Variants in SLCO1B3 observed in about 807,000 individuals in gnomAD.
The protein encoded by SLCO1B3 is liver-specific organic anion transporter 2.
Under a neutral mutation model 71.8 loss-of-function variants are expected in SLCO1B3, and 72 were observed. That is an observed-to-expected ratio of 1.00 (90% CI 0.83 to 1.22). The LOEUF is 1.22. Among genes scored for constraint, SLCO1B3 ranks in the 50% most tolerant of loss-of-function variants. The probability of loss-of-function intolerance (pLI) is 0.00; values close to 1 mark genes in which losing one functional copy is unlikely to be tolerated. For synonymous variants in SLCO1B3, 298 were observed against 278.4 expected, an observed-to-expected ratio of 1.07 and a Z score of -0.70; for missense variants, 911 against 819.7, an observed-to-expected ratio of 1.11 and a Z score of -1.36.
At chr12:20,867,348 T>C (rs377434946) in intron 8 of SLCO1B3, among the ~76,000 whole-genome samples, 1 of 152,008 alleles carries the variant, frequency 6.6e-6, no homozygotes. Context: ...AAATTTCTAC[T>C]GGAGAAAACT....
intron 8 of SLCO1B3, among the ~76,000 whole-genome samples, chr12:20,865,021 G>A (rs1413660386): frequency 1.3e-5 from 2 of 151,934 alleles, no homozygotes; most frequent in Non-Finnish European, 2.9e-5. Flanking sequence ...CTTTCTGATT[G>A]GTTTTCCAGA....
intron 3 of SLCO1B3, among the ~76,000 whole-genome samples, chr12:20,835,439 G>T (rs7959341): frequency 6.6e-6 from 1 of 151,994 alleles, no homozygotes; most frequent in African/African-American, 2.4e-5. Flanking sequence ...TTTATGTTCT[G>T]CTTCCTCTTG....
chr12:20,868,654 A>G (rs2121272980), intron 8 of SLCO1B3, among the ~76,000 whole-genome samples: 1 of 87,408 alleles, frequency 1.1e-5, no homozygotes, highest in South Asian at 6.4e-4. Flanking sequence ...AAATAAAGAC[A>G]CAAGACAAAG....
chr12:20,835,074 G>C (rs1296058996), intron 3 of SLCO1B3, among the ~76,000 whole-genome samples: 1 of 152,178 alleles, frequency 6.6e-6, no homozygotes, highest in African/African-American at 2.4e-5. Flanking sequence ...TGTGGAAGCT[G>C]CCAAGGCATG....
intron 13 of SLCO1B3, among the ~76,000 whole-genome samples, 187 bp from the exon 14 acceptor site, chr12:20,898,249 A>G (rs1383211898): frequency 3.3e-5 from 5 of 152,114 alleles, no homozygotes; most frequent in Non-Finnish European, 5.9e-5. Flanking sequence ...TAAAGAAATT[A>G]TTATTATTAT....
chr12:20,892,755 GA>G (rs1865929295), intron 13 of SLCO1B3, among the ~76,000 whole-genome samples: 1 of 152,154 alleles, frequency 6.6e-6, no homozygotes, highest in African/African-American at 2.4e-5. Context: ...GAAGATTAAA[GA>G]AACATACTGA....
In SLCO1B3 at chr12:20,913,665, A is replaced by T. The variant is rs150487544; in HGVS notation, c.1866-2339A>T. Among the ~76,000 whole-genome samples the T allele has an allele frequency of 1.2e-4, 19 of 152,274 alleles. No individual in the cohort carries two copies. In the East Asian group the frequency reaches 3.7e-3, roughly 29 times the overall value. On this transcript the variant is annotated intron_variant, in intron 15 of 15. Coordinates refer to ENST00000381545, the MANE Select transcript of SLCO1B3 (RefSeq NM_019844.4). The stretch of plus-strand genomic sequence containing the variant: ...ATCAGTGTATATCTTCCTCAGTCTA[A>T]TTACTTTTATTCTGTATGTCTTCAT...
At position 20,901,459 on chromosome 12, in the gene SLCO1B3, A is replaced by T. The variant is rs143827641; in HGVS notation, c.1857A>T (p.Val619=). 1,747 of 1,519,372 alleles carry T rather than the reference A, an allele frequency of 1.1e-3. 19 individuals carry two copies. In the South Asian group the frequency reaches 0.012, roughly 10 times the overall value. 94.1% of individuals were successfully genotyped at this position (1,519,372 alleles called of 1,614,324 possible). ...GGGCTTGTAGGATATATAATTCCGT[A>T]TTTTTTGGGTAAGTTGTCGTAAACA... ...AQGACRIYNS[V]FFGRVYLGLS... Residue 619 remains valine (V), a synonymous_variant, in exon 15 of 16, where the codon GTA becomes GTT. Coordinates refer to ENST00000381545, the MANE Select transcript of SLCO1B3 (RefSeq NM_019844.4).
chr12:20,839,933 A>G (rs1447252979), intron 3 of SLCO1B3, among the ~76,000 whole-genome samples: 1 of 152,142 alleles, frequency 6.6e-6, no homozygotes, highest in East Asian at 1.9e-4. Flanking sequence ...CAGGTATGCC[A>G]AGTATACTAA....
At chr12:20,898,907 G>A (rs562069338) in intron 14 of SLCO1B3, among the ~76,000 whole-genome samples, 2 of 152,244 alleles carry the variant, frequency 1.3e-5, no homozygotes, top group African/African-American at 4.8e-5. Context: ...CTGGGAATCT[G>A]GTCAGGCTGA....
At chr12:20,910,747 A>C (rs1469658775) in intron 15 of SLCO1B3, among the ~76,000 whole-genome samples, 1 of 152,106 alleles carries the variant, frequency 6.6e-6, no homozygotes, top group African/African-American at 2.4e-5. Flanking sequence ...TTTAATTTCA[A>C]ATTCCACTTG....
intron 3 of SLCO1B3, among the ~76,000 whole-genome samples, chr12:20,818,983 C>T (rs1457986150): frequency 2.0e-5 from 3 of 152,044 alleles, no homozygotes; most frequent in Non-Finnish European, 2.9e-5. Flanking sequence ...AAAGTATATG[C>T]GTCAGGTATG....
In SLCO1B3 at chr12:20,855,279, A is replaced by C. The variant is rs965886211; in HGVS notation, c.226+110A>C. 49 of 944,352 alleles carry C rather than the reference A, an allele frequency of 5.2e-5. 1 individual carries two copies. The highest frequency in any genetic ancestry group is 7.0e-5 in the Non-Finnish European group (45 of 640,866). The allele number at this position is 944,352 out of a possible 1,614,324, so 58.5% of individuals were successfully genotyped here. A position where few individuals can be genotyped will look rare whatever the true frequency, so the allele number is the denominator to read the frequency against. ...TGGACTAGGTGTAAATTTGTCTCTC[A>C]TGGGCAATTTGGCAATATGTTAGGA... On this transcript the variant is annotated intron_variant, in intron 4 of 15. Coordinates refer to ENST00000381545, the MANE Select transcript of SLCO1B3 (RefSeq NM_019844.4).
At chr12:20,897,758 T>G (rs1866043870) in intron 13 of SLCO1B3, among the ~76,000 whole-genome samples, 1 of 152,176 alleles carries the variant, frequency 6.6e-6, no homozygotes, top group Non-Finnish European at 1.5e-5. Context: ...CCTTTACTAA[T>G]GAAAGATAAT....
intron 8 of SLCO1B3, among the ~76,000 whole-genome samples, chr12:20,865,299 A>C (rs1486945489): frequency 6.6e-6 from 1 of 152,160 alleles, no homozygotes; most frequent in Non-Finnish European, 1.5e-5. Context: ...ATGATCACAT[A>C]AATCAATTTT....
At chr12:20,873,850 T>C (rs1006589620) in intron 8 of SLCO1B3, among the ~76,000 whole-genome samples, 1 of 152,184 alleles carries the variant, frequency 6.6e-6, no homozygotes, top group Non-Finnish European at 1.5e-5. Context: ...TGTGAGAACA[T>C]GCAGTGTTTG....
intron 15 of SLCO1B3, among the ~76,000 whole-genome samples, chr12:20,912,233 C>T (rs1283244668): frequency 6.6e-6 from 1 of 151,460 alleles, no homozygotes; most frequent in African/African-American, 2.4e-5. Context: ...TAGTTTAATT[C>T]CCTTGTGGTT....
intron 13 of SLCO1B3, among the ~76,000 whole-genome samples, chr12:20,888,504 T>C (rs923158463): frequency 6.6e-6 from 1 of 152,036 alleles, no homozygotes. Flanking sequence ...ATTATTGTTG[T>C]ATGGAAATGG....
chr12:20,891,660 G>A (rs1865906048), intron 13 of SLCO1B3, among the ~76,000 whole-genome samples: 1 of 152,038 alleles, frequency 6.6e-6, no homozygotes, highest in Admixed American at 6.6e-5. Flanking sequence ...GAATACCAAT[G>A]ATTCATAAGT....
Sources: gnomAD v4.1 joint callset for allele counts (sites outside exome capture counted in the v4.1 genomes callset) on GRCh38, gnomAD v4.1.1 for gene constraint, MANE v1.5 for transcripts, NCBI Gene and HGNC (gene_info 2026-07-23, HGNC 2026-07-21) for gene names.